The following COL23A1 variants were observed in gnomAD, a reference collection of about 807,000 sequenced individuals.
COL23A1 encodes the protein collagen type XXIII alpha 1 chain, also known as collagen alpha-1(XXIII) chain.
Under a neutral mutation model 99.3 loss-of-function variants are expected in COL23A1, and 97 were observed. The observed-to-expected ratio is 0.98, with a 90% CI of 0.83 to 1.16. The LOEUF is 1.16. COL23A1 is among the 50% of genes most tolerant of loss of function. The pLI, the probability that COL23A1 is intolerant of heterozygous loss-of-function variation, is 0.00. For missense variants in COL23A1, 762 were observed against 757.4 expected (o/e 1.01, Z -0.07); for synonymous variants, 320 against 308.2 (o/e 1.04, Z -0.40).
intron 1 of COL23A1, among the ~76,000 whole-genome samples, chr5:178,571,421 C>T (rs1030214658): frequency 6.6e-6 from 1 of 151,998 alleles, no homozygotes; most frequent in Non-Finnish European, 1.5e-5. Context: ...CCAGGAAGGG[C>T]CCTGCCTTGC....
At chr5:178,374,710 T>G (rs1457003737) in intron 2 of COL23A1, among the ~76,000 whole-genome samples, 1 of 152,136 alleles carries the variant, frequency 6.6e-6, no homozygotes. Context: ...CAATCAAAAG[T>G]CAGATAATAA....
chr5:178,582,529 G>A (rs1022391918), intron 1 of COL23A1, among the ~76,000 whole-genome samples: 1 of 152,158 alleles, frequency 6.6e-6, no homozygotes, highest in East Asian at 1.9e-4. Context: ...CACACTTCGC[G>A]AGGTCCTGAA....
At chr5:178,472,083 G>A (rs778644302) in intron 2 of COL23A1, among the ~76,000 whole-genome samples, 2 of 152,208 alleles carry the variant, frequency 1.3e-5, no homozygotes, top group Non-Finnish European at 2.9e-5. Context: ...CTTGACCTGG[G>A]GAGGTCGAGG....
intron 2 of COL23A1, among the ~76,000 whole-genome samples, chr5:178,435,568 C>G (rs972280935): frequency 6.6e-6 from 1 of 152,224 alleles, no homozygotes; most frequent in African/African-American, 2.4e-5. Context: ...TTACTGAGCT[C>G]TCTCAGACTG....
At chr5:178,530,044 G>A (rs1023553211) in intron 2 of COL23A1, among the ~76,000 whole-genome samples, 2 of 152,224 alleles carry the variant, frequency 1.3e-5, no homozygotes, top group African/African-American at 4.8e-5. Flanking sequence ...GAGAAGTCTA[G>A]CCTCTGTTGA....
chr5:178,502,736 G>A (rs1373944270), intron 2 of COL23A1, among the ~76,000 whole-genome samples: 1 of 152,364 alleles, frequency 6.6e-6, no homozygotes, highest in Non-Finnish European at 1.5e-5. Flanking sequence ...ATAGTTGACG[G>A]TCCAGCAACG....
At chr5:178,445,042 T>G (rs1767083338) in intron 2 of COL23A1, among the ~76,000 whole-genome samples, 1 of 152,238 alleles carries the variant, frequency 6.6e-6, no homozygotes, top group African/African-American at 2.4e-5. Flanking sequence ...CTAGTGCTAG[T>G]ACCTAATATC....
chr5:178,550,965 A>C lies in COL23A1; in HGVS notation c.361+9717T>G, dbSNP rs555261215. On this transcript the variant is annotated intron_variant, in intron 2 of 28. Coordinates refer to ENST00000390654, the MANE Select transcript of COL23A1 (RefSeq NM_173465.4). ...TTCTAACAGATAGTCTACCTTTCAC[A>C]GAATCTTCATCATCTCCCCAAACCA... 4.3e-3 allele frequency among the ~76,000 whole-genome samples: 658 copies of C among 152,178 alleles called. 6 individuals carry two copies. The highest frequency in any genetic ancestry group is 6.3e-3 in the Non-Finnish European group (427 of 68,020).
intron 2 of COL23A1, among the ~76,000 whole-genome samples, chr5:178,435,632 C>A (rs986547465): frequency 5.9e-5 from 9 of 152,084 alleles, no homozygotes; most frequent in African/African-American, 1.9e-4. Flanking sequence ...GTGGGCTTCC[C>A]GGGCAGCTGC....
chr5:178,239,523 G>T lies in COL23A1; in HGVS notation c.1582-344C>A, dbSNP rs951289649. 3.3e-5 allele frequency among the ~76,000 whole-genome samples: 5 copies of T among 151,302 alleles called. No homozygotes were observed. The East Asian group carries it at 5.9e-4, about 18-fold the overall frequency. On this transcript the variant is annotated intron_variant, in intron 27 of 28. Coordinates refer to ENST00000390654, the MANE Select transcript of COL23A1 (RefSeq NM_173465.4). ...CCTGGGTCCTGCCGAGAGCCGTGTGGCTTCCTGTCTGATGTGACAGTGACT... is the reference window on the plus strand; with the variant it reads ...CCTGGGTCCTGCCGAGAGCCGTGTGTCTTCCTGTCTGATGTGACAGTGACT...
intron 5 of COL23A1, among the ~76,000 whole-genome samples, chr5:178,275,186 AAAC>A (rs1581505266): frequency 6.6e-6 from 1 of 152,190 alleles, no homozygotes; most frequent in African/African-American, 2.4e-5. Flanking sequence ...TTCTCCTCTC[AAAC>A]AACAAGTTCA....
intron 2 of COL23A1, among the ~76,000 whole-genome samples, chr5:178,346,164 G>A (rs1299644400): frequency 6.6e-6 from 1 of 151,936 alleles, no homozygotes; most frequent in Admixed American, 6.6e-5. Flanking sequence ...AAATTGTCAG[G>A]AATGAAAGAA....
chr5:178,466,648 G>C (rs186174367), intron 2 of COL23A1, among the ~76,000 whole-genome samples: 38 of 152,362 alleles, frequency 2.5e-4, no homozygotes, highest in Non-Finnish European at 3.5e-4. Context: ...CTGCTGCGGG[G>C]GATGGCCCTG....
At chr5:178,421,045 G>A (rs929537740) in intron 2 of COL23A1, among the ~76,000 whole-genome samples, 1 of 152,042 alleles carries the variant, frequency 6.6e-6, no homozygotes, top group Non-Finnish European at 1.5e-5. Context: ...TGTTGACCAG[G>A]AGGCTTAAAA....
At position 178,590,250 on chromosome 5, in the gene COL23A1, G is replaced by A. The variant is rs1581696617; in HGVS notation, c.-53C>T. 1.7e-6 allele frequency: 2 copies of A among 1,197,070 alleles called. No homozygotes were observed. Among genetic ancestry groups the A allele is most frequent in the East Asian group, 3.5e-5 (1 of 28,516 alleles). 74.2% of individuals were successfully genotyped at this position (1,197,070 alleles called of 1,614,324 possible). A position where few individuals can be genotyped will look rare whatever the true frequency, so the allele number is the denominator to read the frequency against. On this transcript the variant is annotated 5_prime_UTR_variant, in exon 1 of 29. Transcript: ENST00000390654. This position sits in a 1 kb window ranked among gnomAD's most constrained non-coding sequence, Gnocchi z 5.7. ...GAGGGGGCGGTGCTGCTGGGGCAGA[G>A]GCTGGGTGCGAGAGGAGCAGGCGGG...
Position 178,259,760 on chromosome 5 carries a change from A to G in COL23A1, c.703-13T>C, listed in dbSNP as rs1765526134. 1 of 1,600,778 alleles carries G rather than the reference A, an allele frequency of 6.2e-7. No homozygotes were observed. The highest frequency in any genetic ancestry group is 8.5e-7 in the Non-Finnish European group (1 of 1,171,782). On this transcript the variant is annotated splice_polypyrimidine_tract_variant and intron_variant, in intron 11 of 28. Transcript: ENST00000390654. ...CTCCAGGCTCACCCTGGGGGAGGCA[A>G]TGGGGGGTTCAAGAGCAAGGTCAAA... is the stretch of plus-strand genomic sequence containing the variant.
intron 2 of COL23A1, among the ~76,000 whole-genome samples, chr5:178,458,741 C>A (rs1260420157): frequency 6.6e-6 from 1 of 152,106 alleles, no homozygotes; most frequent in Non-Finnish European, 1.5e-5. Flanking sequence ...TTTACAAATC[C>A]TTATAGAATG....
chr5:178,514,766 C>T (rs1450133734), intron 2 of COL23A1, among the ~76,000 whole-genome samples: 1 of 152,228 alleles, frequency 6.6e-6, no homozygotes, highest in African/African-American at 2.4e-5. Flanking sequence ...AAAAATACCA[C>T]ATTCCAGGAA....
At chr5:178,454,396 C>A (rs376894989) in intron 2 of COL23A1, among the ~76,000 whole-genome samples, 1 of 152,130 alleles carries the variant, frequency 6.6e-6, no homozygotes, top group African/African-American at 2.4e-5. Context: ...CTGCAGGCTG[C>A]GTGCTGTCAG....
Sources: gnomAD v4.1 joint callset for allele counts (sites outside exome capture counted in the v4.1 genomes callset) on GRCh38, gnomAD v4.1.1 for gene constraint, Gnocchi (gnomAD v3.1) non-coding constraint, MANE v1.5 for transcripts, NCBI Gene and HGNC (gene_info 2026-07-23, HGNC 2026-07-21) for gene names.